COPG2: variants seen among roughly 807,000 people sequenced by gnomAD.
The protein encoded by COPG2 is coatomer subunit gamma-2.
A neutral mutation model predicts 46.3 loss-of-function variants in COPG2; 37 were observed. The observed-to-expected ratio is 0.80, with a 90% CI of 0.61 to 1.05. The LOEUF is 1.05. Among genes scored for constraint, COPG2 ranks in the 50% least tolerant of loss-of-function variants. COPG2 has a pLI of 0.00. For synonymous variants in COPG2, 159 were observed against 129.7 expected, an observed-to-expected ratio of 1.23 and a Z score of -1.53; for missense variants, 427 against 387.8, an observed-to-expected ratio of 1.10 and a Z score of -0.85.
At chr7:130,636,151 A>T (rs1554456158) in intron 5 of COPG2, among the ~76,000 whole-genome samples, 1 of 152,126 alleles carries the variant, frequency 6.6e-6, no homozygotes, top group Admixed American at 6.6e-5. Flanking sequence ...AATATGTCCA[A>T]TGTGGTGTGG....
chr7:130,635,105 G>A lies in COPG2; in HGVS notation c.323+17764C>T, dbSNP rs1006601971. On this transcript the variant is annotated intron_variant, in intron 5 of 23. Coordinates refer to ENST00000425248, the MANE Select transcript of COPG2 (RefSeq NM_012133.6). ...AGCTTTTTGATGTGCTGCTGGATTC[G>A]GTTTGCCCGTATTTTATTGAGGATT... 6.7e-5 allele frequency among the ~76,000 whole-genome samples: 10 copies of A among 149,696 alleles called. No homozygotes were observed. The South Asian group carries it at 1.1e-3, about 16-fold the overall frequency.
chr7:130,528,232 C>T (rs1345133283), intron 20 of COPG2, among the ~76,000 whole-genome samples: 23 of 151,908 alleles, frequency 1.5e-4, no homozygotes, highest in African/African-American at 3.6e-4. Flanking sequence ...CAGCAGTGAG[C>T]GCTGATGACA....
intron 9 of COPG2, among the ~76,000 whole-genome samples, chr7:130,601,923 A>G (rs557860111): frequency 6.6e-6 from 1 of 152,274 alleles, no homozygotes; most frequent in Non-Finnish European, 1.5e-5. Context: ...AGGCTCTCAA[A>G]GTGAGAAACT....
intron 20 of COPG2, among the ~76,000 whole-genome samples, chr7:130,541,005 T>C (rs928091778): frequency 1.1e-4 from 17 of 152,120 alleles, no homozygotes; most frequent in Non-Finnish European, 2.4e-4. Flanking sequence ...GGTCCTGCAT[T>C]CTCGGGTGAG....
At chr7:130,523,051 G>C (rs1799737790) in intron 20 of COPG2, among the ~76,000 whole-genome samples, 2 of 144,996 alleles carry the variant, frequency 1.4e-5, no homozygotes, top group South Asian at 4.5e-4. Context: ...GTCCAGAGGT[G>C]AGGGTGCAGT....
At chr7:130,534,971 G>C (rs983319475) in intron 20 of COPG2, among the ~76,000 whole-genome samples, 1 of 152,192 alleles carries the variant, frequency 6.6e-6, no homozygotes, top group Non-Finnish European at 1.5e-5. Context: ...GAGTGGAAGA[G>C]GGGAAGGAAA....
At chr7:130,587,370 C>T (rs1554448148) in intron 9 of COPG2, among the ~76,000 whole-genome samples, 1 of 151,986 alleles carries the variant, frequency 6.6e-6, no homozygotes, top group Non-Finnish European at 1.5e-5. Context: ...GCTCTATTCT[C>T]TATAGTCCTA....
chr7:130,600,374 C>T (rs1794613121), intron 9 of COPG2, among the ~76,000 whole-genome samples: 1 of 152,136 alleles, frequency 6.6e-6, no homozygotes, highest in South Asian at 2.1e-4. Context: ...GATTCTCGTG[C>T]CTTAACCTCC....
intron 7 of COPG2, among the ~76,000 whole-genome samples, chr7:130,613,263 T>A (rs1794887979): frequency 6.6e-6 from 1 of 152,108 alleles, no homozygotes. Flanking sequence ...AATCTCACAC[T>A]GCTGCTGGTC....
At chr7:130,562,290 C>T (rs1002827722) in intron 11 of COPG2, among the ~76,000 whole-genome samples, 4 of 152,204 alleles carry the variant, frequency 2.6e-5, no homozygotes, top group African/African-American at 4.8e-5. Context: ...ACCTGGGAGG[C>T]GGAGGTTGCA....
chr7:130,659,035 G>T (rs1336687399), intron 4 of COPG2, among the ~76,000 whole-genome samples: 1 of 152,030 alleles, frequency 6.6e-6, no homozygotes, highest in African/African-American at 2.4e-5. Flanking sequence ...CATCAAAGCA[G>T]ATATACAGAT....
chr7:130,580,548 A>C (rs1450151869), intron 9 of COPG2, among the ~76,000 whole-genome samples: 1 of 136,560 alleles, frequency 7.3e-6, no homozygotes, highest in East Asian at 2.1e-4. Flanking sequence ...AAAATTAATG[A>C]ATCCAGGAGC....
chr7:130,594,715 T>C (rs977963584), intron 9 of COPG2, among the ~76,000 whole-genome samples: 6 of 152,178 alleles, frequency 3.9e-5, no homozygotes, highest in Non-Finnish European at 7.3e-5. Flanking sequence ...TAGGCATCTC[T>C]CCAAAGAAGA....
intron 5 of COPG2, among the ~76,000 whole-genome samples, chr7:130,648,325 T>G (rs186036711): frequency 5.3e-5 from 8 of 152,304 alleles, no homozygotes; most frequent in Admixed American, 3.3e-4. Context: ...TGGGCTAAAA[T>G]CACTGTGTCA....
At chr7:130,513,638 T>C (rs1452838144) in intron 20 of COPG2, among the ~76,000 whole-genome samples, 2 of 151,858 alleles carry the variant, frequency 1.3e-5, no homozygotes, top group African/African-American at 2.4e-5. Context: ...GTGTGACCAA[T>C]AGAGTGAAAG....
intron 9 of COPG2, among the ~76,000 whole-genome samples, chr7:130,597,685 T>C (rs1584991775): frequency 6.6e-6 from 1 of 152,094 alleles, no homozygotes; most frequent in Non-Finnish European, 1.5e-5. Flanking sequence ...CTGTGAGCTA[T>C]AATAAAATAA....
chr7:130,613,515 A>ATTGGT (rs1554452436), intron 7 of COPG2, 29 bp downstream of exon 7: 16 of 1,368,336 alleles, frequency 1.2e-5, no homozygotes, highest in Non-Finnish European at 1.6e-5. Flanking sequence ...TACCATGCTT[A>ATTGGT]AGAACTAGGA....
intron 5 of COPG2, among the ~76,000 whole-genome samples, chr7:130,638,910 A>C (rs1795403384): frequency 6.6e-6 from 1 of 152,222 alleles, no homozygotes; most frequent in Non-Finnish European, 1.5e-5. Flanking sequence ...CCATGGGAAA[A>C]GCGTAGTATC....
chr7:130,592,272 C>A (rs1305798457), intron 9 of COPG2, among the ~76,000 whole-genome samples: 2 of 151,948 alleles, frequency 1.3e-5, no homozygotes, highest in Non-Finnish European at 2.9e-5. Context: ...TGTGGAAGGC[C>A]ACAGGGTCCT....
Sources: allele counts gnomAD v4.1 joint callset (sites outside exome capture counted in the v4.1 genomes callset), GRCh38; gene constraint gnomAD v4.1.1; transcripts MANE v1.5; gene names NCBI Gene and HGNC (gene_info 2026-07-23, HGNC 2026-07-21).